Variants in KIAA1549L observed in about 807,000 individuals in gnomAD.
KIAA1549L encodes UPF0606 protein KIAA1549L.
Under a neutral mutation model 160.7 loss-of-function variants are expected in KIAA1549L, and 88 were observed. The observed-to-expected ratio is 0.55, with a 90% confidence interval of 0.46 to 0.65. KIAA1549L has a LOEUF of 0.65. Ranked by LOEUF, KIAA1549L falls within the 30% of genes least tolerant of loss-of-function variation. The pLI is 0.00. For missense variants in KIAA1549L, 2,258 were observed against 2,437.5 expected (o/e 0.93, Z 1.55); for synonymous variants, 950 against 976.7 (o/e 0.97, Z 0.51).
intron 1 of KIAA1549L, among the ~76,000 whole-genome samples, chr11:33,428,804 G>A (rs1361438460): frequency 2.0e-5 from 3 of 152,098 alleles, no homozygotes; most frequent in East Asian, 1.9e-4. Flanking sequence ...ATAATCCCTC[G>A]GGTATATACC....
At chr11:33,598,190 T>TTGTGTGTGTGTGTG (rs57343190) in intron 12 of KIAA1549L, among the ~76,000 whole-genome samples, 36 of 135,194 alleles carry the variant, frequency 2.7e-4, no homozygotes, top group South Asian at 9.6e-4. Flanking sequence ...GAGAGAATGT[T>TTGTGTGTGTGTGTG]TGTGTGTGTG....
chr11:33,427,415 G>A (rs988310285), intron 1 of KIAA1549L, among the ~76,000 whole-genome samples: 4 of 152,038 alleles, frequency 2.6e-5, no homozygotes, highest in Admixed American at 6.5e-5. Context: ...TGCTCAGTAT[G>A]CTCCTCTCCC....
rs370757520 is a variant in KIAA1549L, at chr11:33,423,223, T to C, written c.238+46334T>C. Among the ~76,000 whole-genome samples, 8 of 152,174 alleles carry C rather than the reference T, an allele frequency of 5.3e-5. No homozygotes were observed. In the East Asian group the frequency reaches 9.6e-4, roughly 18 times the overall value. On this transcript the variant is annotated intron_variant, in intron 1 of 20. Transcript: ENST00000658780. Reference sequence around the variant, plus strand: ...TTCAATAGGATCTAGTTTGAGACACTAAAAGGGTTAGGACATCAATTTGAA... The same window carrying C: ...TTCAATAGGATCTAGTTTGAGACACCAAAAGGGTTAGGACATCAATTTGAA...
chr11:33,601,017 C>T (rs968276755), intron 13 of KIAA1549L, among the ~76,000 whole-genome samples: 1 of 152,088 alleles, frequency 6.6e-6, no homozygotes, highest in African/African-American at 2.4e-5. Context: ...TCTGCCCTCT[C>T]CTCCTGCCTC....
At chr11:33,526,200 G>C (rs1010945143) in intron 1 of KIAA1549L, among the ~76,000 whole-genome samples, 2 of 152,126 alleles carry the variant, frequency 1.3e-5, no homozygotes, top group African/African-American at 2.4e-5. Flanking sequence ...GCCACCTCCT[G>C]TCTGGAGGCC....
At position 33,543,808 on chromosome 11, in the gene KIAA1549L, T is replaced by A; in HGVS notation, c.2245T>A (p.Ser749Thr). 6.2e-7 allele frequency: 1 copy of A among 1,614,048 alleles called. No individual in the cohort carries two copies. The highest frequency in any genetic ancestry group is 8.5e-7 in the Non-Finnish European group (1 of 1,179,904). ...AACAGCTCCTCCCAATGGTTTAACT[T>A]CAGCTGCCGATGCCATAAAATCTCA... ...APTAPPNGLT[S>T]AADAIKSQDF... The change falls in exon 2 of 21, where the codon TCA becomes ACA. Residue 749 changes from serine to threonine, a missense_variant. Transcript: ENST00000658780.
Position 33,387,557 on chromosome 11 carries a change from C to T in KIAA1549L, c.238+10668C>T, listed in dbSNP as rs1004928869. Among the ~76,000 whole-genome samples, 22 of 152,260 alleles carry T rather than the reference C, an allele frequency of 1.4e-4. No homozygotes were observed. In the East Asian group the frequency reaches 2.5e-3, roughly 17 times the overall value. ...CTAACCTCAAGTAATCTGCCAGTCT[C>T]GGCCTCCCAAAGTGCTGGGATTATA... is the stretch of plus-strand genomic sequence containing the variant. On this transcript the variant is annotated intron_variant, in intron 1 of 20. Coordinates refer to ENST00000658780, the MANE Select transcript of KIAA1549L (RefSeq NM_012194.3).
At chr11:33,477,657 T>C (rs1049635649) in intron 1 of KIAA1549L, among the ~76,000 whole-genome samples, 2 of 152,196 alleles carry the variant, frequency 1.3e-5, no homozygotes, top group African/African-American at 2.4e-5. Context: ...AGTGCTCATA[T>C]TGGGTGATCT....
intron 9 of KIAA1549L, among the ~76,000 whole-genome samples, chr11:33,570,237 C>T (rs1332116499): frequency 1.3e-5 from 2 of 152,092 alleles, no homozygotes; most frequent in African/African-American, 4.8e-5. Context: ...CTCCTGACCT[C>T]ATGATCCACC....
intron 1 of KIAA1549L, among the ~76,000 whole-genome samples, chr11:33,409,107 A>G (rs1216018427): frequency 3.3e-5 from 5 of 152,160 alleles, no homozygotes; most frequent in South Asian, 2.1e-4. Flanking sequence ...GACAGGTATC[A>G]TAGCATCTGT....
At chr11:33,589,265 G>A (rs1849973551) in intron 11 of KIAA1549L, among the ~76,000 whole-genome samples, 2 of 152,256 alleles carry the variant, frequency 1.3e-5, no homozygotes, top group African/African-American at 4.8e-5. Context: ...GAAACAACAG[G>A]TGCTGGAGAG....
chr11:33,532,060 C>T (rs1302436172), intron 1 of KIAA1549L, among the ~76,000 whole-genome samples: 1 of 152,120 alleles, frequency 6.6e-6, no homozygotes, highest in Non-Finnish European at 1.5e-5. Flanking sequence ...GTGCAGAGAG[C>T]CTCGGCTCTG....
intron 16 of KIAA1549L, among the ~76,000 whole-genome samples, chr11:33,630,681 G>T (rs899732439): frequency 2.0e-5 from 3 of 152,204 alleles, no homozygotes; most frequent in African/African-American, 4.8e-5. Flanking sequence ...CCCACTGTCT[G>T]GCACTCCCTA....
intron 1 of KIAA1549L, among the ~76,000 whole-genome samples, chr11:33,444,924 C>T (rs1851581106): frequency 6.6e-6 from 1 of 152,196 alleles, no homozygotes; most frequent in Admixed American, 6.5e-5. Flanking sequence ...CTGCTCCTCT[C>T]CTTGGTCTTA....
In KIAA1549L at chr11:33,671,503, T is replaced by TTTAAC. The variant is rs899745077; in HGVS notation, c.*3353_*3354insCTTAA. 5 of 151,768 alleles carry TTTAAC rather than the reference T, an allele frequency of 3.3e-5. No individual in the cohort carries two copies. The highest frequency in any genetic ancestry group is 3.3e-4 in the Admixed American group (5 of 15,222). 9.4% of individuals were successfully genotyped at this position (151,768 alleles called of 1,614,324 possible). On this transcript the variant is annotated 3_prime_UTR_variant, in exon 21 of 21. Coordinates refer to ENST00000658780, the MANE Select transcript of KIAA1549L (RefSeq NM_012194.3). ...AGAAGTTTTATTGTGAGTTTGTTAA[T>TTTAAC]TTAAGAACTCACTCAGCAGAAGGAC...
chr11:33,636,074 C>G (rs1463188282), intron 16 of KIAA1549L, among the ~76,000 whole-genome samples: 1 of 152,214 alleles, frequency 6.6e-6, no homozygotes, highest in Non-Finnish European at 1.5e-5. Flanking sequence ...TTATCCTGGT[C>G]AACAAGGATA....
intron 1 of KIAA1549L, among the ~76,000 whole-genome samples, chr11:33,484,703 T>A (rs961171526): frequency 6.6e-6 from 1 of 152,244 alleles, no homozygotes; most frequent in African/African-American, 2.4e-5. Flanking sequence ...TGTGGAAAGC[T>A]GTAATTTAGG....
At chr11:33,462,339 G>A (rs1286643516) in intron 1 of KIAA1549L, among the ~76,000 whole-genome samples, 1 of 152,178 alleles carries the variant, frequency 6.6e-6, no homozygotes, top group Non-Finnish European at 1.5e-5. Context: ...GTCTTCATTA[G>A]GCTATTTTTA....
At chr11:33,569,467 T>C (rs1286312731) in intron 9 of KIAA1549L, among the ~76,000 whole-genome samples, 1 of 152,236 alleles carries the variant, frequency 6.6e-6, no homozygotes, top group African/African-American at 2.4e-5. Context: ...CGGGTGTAAC[T>C]GAACCATAGC....
Sources: allele counts gnomAD v4.1 joint callset (sites outside exome capture counted in the v4.1 genomes callset), GRCh38; gene constraint gnomAD v4.1.1; transcripts MANE v1.5; gene names NCBI Gene and HGNC (gene_info 2026-07-23, HGNC 2026-07-21).